SLC35F1: variants seen among roughly 807,000 people sequenced by gnomAD.
SLC35F1 encodes the protein chromosome 6 open reading frame 169.
In SLC35F1, 14 loss-of-function variants were observed where a neutral mutation model predicts 48.7. That is an observed-to-expected ratio of 0.29 (90% CI 0.19 to 0.45). The LOEUF (loss-of-function observed/expected upper bound fraction) is 0.45, where lower values mean the gene tolerates loss of function less well. SLC35F1 is among the 20% of genes least tolerant of loss of function. SLC35F1 has a pLI of 1.00. For synonymous variants in SLC35F1, 190 were observed against 202.2 expected, an observed-to-expected ratio of 0.94 and a Z score of 0.51; for missense variants, 404 against 500.0, an observed-to-expected ratio of 0.81 and a Z score of 1.83.
At chr6:117,946,736 T>C (rs1776299584) in intron 1 of SLC35F1, among the ~76,000 whole-genome samples, 1 of 152,196 alleles carries the variant, frequency 6.6e-6, no homozygotes, top group Non-Finnish European at 1.5e-5. Context: ...ACATTGACCT[T>C]TTTGCACACT....
intron 2 of SLC35F1, among the ~76,000 whole-genome samples, chr6:118,194,746 G>A (rs1403142321): frequency 1.3e-5 from 2 of 152,168 alleles, no homozygotes; most frequent in African/African-American, 4.8e-5. Flanking sequence ...TGCACAGAGA[G>A]AGAGGGGCCA....
intron 1 of SLC35F1, among the ~76,000 whole-genome samples, chr6:118,014,478 G>T (rs559755199): frequency 6.6e-6 from 1 of 152,158 alleles, no homozygotes. Context: ...CAGACAGAAA[G>T]TGTACACTGG....
intron 1 of SLC35F1, among the ~76,000 whole-genome samples, chr6:118,119,801 G>T (rs1420839392): frequency 6.6e-6 from 1 of 152,118 alleles, no homozygotes; most frequent in Non-Finnish European, 1.5e-5. Context: ...TACAACAGAT[G>T]AAGAGATAAG....
intron 2 of SLC35F1, among the ~76,000 whole-genome samples, chr6:118,221,414 G>A (rs1195168419): frequency 2.0e-5 from 3 of 152,106 alleles, no homozygotes; most frequent in Non-Finnish European, 4.4e-5. Flanking sequence ...GAGTTGCCAA[G>A]TATTCCTCCT....
At chr6:117,938,390 A>G (rs1289899675) in intron 1 of SLC35F1, among the ~76,000 whole-genome samples, 1 of 152,174 alleles carries the variant, frequency 6.6e-6, no homozygotes, top group Non-Finnish European at 1.5e-5. Flanking sequence ...ACTATTCGAA[A>G]CCTTGATTTG....
chr6:118,093,800 A>C (rs1773110904), intron 1 of SLC35F1, among the ~76,000 whole-genome samples: 1 of 152,226 alleles, frequency 6.6e-6, no homozygotes, highest in South Asian at 2.1e-4. Flanking sequence ...ATTTTCAGAG[A>C]GTGCAGAAGA....
At chr6:118,226,390 T>A (rs1256706657) in intron 2 of SLC35F1, among the ~76,000 whole-genome samples, 1 of 152,096 alleles carries the variant, frequency 6.6e-6, no homozygotes, top group Non-Finnish European at 1.5e-5. Flanking sequence ...AATCAATATA[T>A]CAAAGAGTTA....
At chr6:117,954,396 C>G (rs1207572951) in intron 1 of SLC35F1, among the ~76,000 whole-genome samples, 1 of 152,092 alleles carries the variant, frequency 6.6e-6, no homozygotes, top group Non-Finnish European at 1.5e-5. Context: ...GCTGGGATTA[C>G]AGGCACCCGC....
chr6:118,037,672 T>C (rs921922643), intron 1 of SLC35F1, among the ~76,000 whole-genome samples: 8 of 152,168 alleles, frequency 5.3e-5, no homozygotes, highest in African/African-American at 1.9e-4. Flanking sequence ...GTATACACCA[T>C]GGAATACTAT....
intron 1 of SLC35F1, among the ~76,000 whole-genome samples, chr6:118,005,920 C>T (rs1562262269): frequency 6.6e-6 from 1 of 152,128 alleles, no homozygotes; most frequent in Admixed American, 6.5e-5. Flanking sequence ...TCCCAGCCTA[C>T]CTTGGCACAT....
At chr6:118,286,721 T>C (rs921881552) in intron 7 of SLC35F1, among the ~76,000 whole-genome samples, 3 of 152,154 alleles carry the variant, frequency 2.0e-5, no homozygotes, top group African/African-American at 7.2e-5. Context: ...CATTGTGAAA[T>C]GTTCACCACA....
At chr6:118,163,290 A>AT (rs952570913) in intron 2 of SLC35F1, among the ~76,000 whole-genome samples, 83 of 152,258 alleles carry the variant, frequency 5.5e-4, no homozygotes, top group Admixed American at 2.1e-3. Flanking sequence ...AAAGAGAGTG[A>AT]TATCTTACAT....
At chr6:118,190,502 A>T (rs1345137064) in intron 2 of SLC35F1, among the ~76,000 whole-genome samples, 1 of 152,056 alleles carries the variant, frequency 6.6e-6, no homozygotes, top group South Asian at 2.1e-4. Context: ...ATTTAAAAAA[A>T]CTTGGGGCCT....
chr6:118,038,377 G>T (rs1376113051), intron 1 of SLC35F1, among the ~76,000 whole-genome samples: 2 of 151,448 alleles, frequency 1.3e-5, no homozygotes, highest in Non-Finnish European at 2.9e-5. Context: ...AGGACTCCTG[G>T]CAATAATGAT....
intron 1 of SLC35F1, among the ~76,000 whole-genome samples, chr6:118,047,992 C>T (rs1772325332): frequency 6.6e-6 from 1 of 152,118 alleles, no homozygotes; most frequent in Non-Finnish European, 1.5e-5. Context: ...AGTTTTTGCC[C>T]ATTCAGTATG....
chr6:118,228,394 T>C (rs1415849591), intron 2 of SLC35F1, among the ~76,000 whole-genome samples: 5 of 152,204 alleles, frequency 3.3e-5, no homozygotes, highest in Non-Finnish European at 7.3e-5. Context: ...GTCATACTTA[T>C]TTTCAAATTC....
chr6:118,275,595 A>G lies in SLC35F1; in HGVS notation c.774A>G (p.Ala258=). 6.2e-7 allele frequency: 1 copy of G among 1,613,742 alleles called. No homozygotes were observed. ...TGGGAATGATTGGTCTCTTTGGAGC[A>G]TTTTTCAGTGGAATTCAATTGTGAG... ...EFLGMIGLFG[A]FFSGIQLAIM... The change falls in exon 5 of 8, where the codon GCA becomes GCG. Residue 258 remains alanine, a synonymous_variant. Coordinates refer to ENST00000360388, the MANE Select transcript of SLC35F1 (RefSeq NM_001029858.4).
At chr6:118,181,245 A>G (rs1339753944) in intron 2 of SLC35F1, among the ~76,000 whole-genome samples, 3 of 152,142 alleles carry the variant, frequency 2.0e-5, no homozygotes, top group African/African-American at 7.2e-5. Context: ...TTAATTGTTC[A>G]AATCATAATG....
intron 1 of SLC35F1, among the ~76,000 whole-genome samples, chr6:117,930,611 A>C (rs1403653647): frequency 6.6e-6 from 1 of 152,152 alleles, no homozygotes; most frequent in African/African-American, 2.4e-5. Flanking sequence ...TAGGGAGGTA[A>C]TAGTGTGACC....
Sources: allele counts gnomAD v4.1 joint callset (sites outside exome capture counted in the v4.1 genomes callset), GRCh38; gene constraint gnomAD v4.1.1; transcripts MANE v1.5; gene names NCBI Gene and HGNC (gene_info 2026-07-23, HGNC 2026-07-21).